ARID1A: variants seen among roughly 807,000 people sequenced by gnomAD.
ARID1A encodes AT-rich interactive domain-containing protein 1A.
Under a neutral mutation model 212.6 loss-of-function variants are expected in ARID1A, and 20 were observed. The ratio of observed to expected loss-of-function variants is 0.09; its 90% CI spans 0.07 to 0.14. ARID1A has a LOEUF of 0.14. ARID1A is among the 10% of genes least tolerant of loss of function. ARID1A has a pLI of 1.00. For missense variants in ARID1A, 2,587 were observed against 3,059.0 expected, an observed-to-expected ratio of 0.85 and a Z score of 3.64; for synonymous variants, 1,376 against 1,222.1, an observed-to-expected ratio of 1.13 and a Z score of -2.63.
In ARID1A at chr1:26,774,554, A is replaced by G. The variant is rs2124118578; in HGVS notation, c.4327A>G (p.Thr1443Ala). 6.2e-7 allele frequency: 1 copy of G among 1,614,152 alleles called. No individual in the cohort carries two copies. Among genetic ancestry groups the G allele is most frequent in the Non-Finnish European group, 8.5e-7 (1 of 1,180,000 alleles). Residue 1443 changes from threonine to alanine, a missense_variant, in exon 18 of 20, where the codon ACT becomes GCT. Coordinates refer to ENST00000324856, the MANE Select transcript of ARID1A (RefSeq NM_006015.6). This position sits in a 1 kb window ranked among gnomAD's most constrained non-coding sequence, Gnocchi z 5.6. ...CTATCCTGCCACTGCCACAGCTGCT[A>G]CTGAGCGCCGACCAGCAGGCGGCCC... The part of the protein sequence containing the change: ...NAYPATATAA[T>A]ERRPAGGPQN...
chr1:26,750,441 G>T (rs1046242766), intron 4 of ARID1A, among the ~76,000 whole-genome samples: 2 of 152,188 alleles, frequency 1.3e-5, no homozygotes, highest in Non-Finnish European at 1.5e-5. Flanking sequence ...CACCTCTGTG[G>T]CCAGAGGGTT....
chr1:26,761,877 G>C (rs1277334532), intron 6 of ARID1A, among the ~76,000 whole-genome samples: 1 of 152,012 alleles, frequency 6.6e-6, no homozygotes, highest in East Asian at 1.9e-4. Context: ...TCAATGTTCG[G>C]TCTTCACTCA....
intron 4 of ARID1A, among the ~76,000 whole-genome samples, chr1:26,744,905 G>C (rs2080822714): frequency 6.6e-6 from 1 of 152,008 alleles, no homozygotes; most frequent in African/African-American, 2.4e-5. Context: ...AGAAGTGAAG[G>C]AGGTTGTCCT....
chr1:26,755,296 A>G (rs957273706), intron 4 of ARID1A, among the ~76,000 whole-genome samples: 11 of 152,196 alleles, frequency 7.2e-5, no homozygotes, highest in African/African-American at 1.7e-4. Flanking sequence ...GAAACCAACT[A>G]TCTGATGCTG....
chr1:26,755,274 T>C (rs1448578659), intron 4 of ARID1A, among the ~76,000 whole-genome samples: 3 of 152,248 alleles, frequency 2.0e-5, no homozygotes, highest in Non-Finnish European at 4.4e-5. Context: ...ATTTTGGCTC[T>C]TAAAATTATT....
intron 1 of ARID1A, among the ~76,000 whole-genome samples, chr1:26,701,442 A>G (rs1410423710): frequency 6.6e-6 from 1 of 152,180 alleles, no homozygotes; most frequent in African/African-American, 2.4e-5. Context: ...TTACTGATGC[A>G]TACTTGAGTT....
At position 26,762,362 on chromosome 1, in the gene ARID1A, G is replaced by A; in HGVS notation, c.2419+43G>A. 3.8e-6 allele frequency: 6 copies of A among 1,582,876 alleles called. No homozygotes were observed. The South Asian group carries it at 5.7e-5, about 15-fold the overall frequency. ...TTAGGAGTAGATACGGGTGAGAGGA[G>A]AAAACAGTTCCTTGTCTGATATGTT... On this transcript the variant is annotated intron_variant, in intron 7 of 19. Coordinates refer to ENST00000324856, the MANE Select transcript of ARID1A (RefSeq NM_006015.6).
At chr1:26,732,107 T>G (rs2080684375) in intron 3 of ARID1A, among the ~76,000 whole-genome samples, 1 of 152,200 alleles carries the variant, frequency 6.6e-6, no homozygotes, top group African/African-American at 2.4e-5. Context: ...CAAATCTTAT[T>G]TTTTGTGGGT....
At position 26,774,526 on chromosome 1, in the gene ARID1A, T is replaced by G; in HGVS notation, c.4299T>G (p.Asn1433Lys). The G allele has an allele frequency of 1.2e-6, 2 of 1,614,046 alleles. No individual in the cohort carries two copies. Among genetic ancestry groups the G allele is most frequent in the South Asian group, 2.2e-5 (2 of 91,060 alleles). Residue 1433 changes from asparagine (N) to lysine (K), a missense_variant, in exon 18 of 20, where the codon AAT (asparagine) becomes AAG (lysine). Asn to Lys is a moderately conservative substitution (Grantham distance 94). This residue lies in a region of ARID1A where 890 missense variants were observed against 1,098.2 expected (regional missense o/e 0.81). Coordinates refer to ENST00000324856, the MANE Select transcript of ARID1A (RefSeq NM_006015.6). This position sits in a 1 kb window ranked among gnomAD's most constrained non-coding sequence, Gnocchi z 5.6. ...PQQDVYNQYGNAYPATATAAT... is the reference protein window; with the variant it reads ...PQQDVYNQYGKAYPATATAAT... ...AAGATGTATACAACCAGTATGGCAATGCCTATCCTGCCACTGCCACAGCTG... is the reference window on the plus strand; with the variant it reads ...AAGATGTATACAACCAGTATGGCAAGGCCTATCCTGCCACTGCCACAGCTG...
At chr1:26,725,010 T>A (rs1352136514) in intron 1 of ARID1A, among the ~76,000 whole-genome samples, 1 of 152,122 alleles carries the variant, frequency 6.6e-6, no homozygotes, top group Non-Finnish European at 1.5e-5. Context: ...TTTTTATGAA[T>A]GCAGGAGAGT....
At chr1:26,728,299 T>C (rs1232239069) in intron 1 of ARID1A, among the ~76,000 whole-genome samples, 1 of 152,196 alleles carries the variant, frequency 6.6e-6, no homozygotes, top group Non-Finnish European at 1.5e-5. Flanking sequence ...GCTTATTGTC[T>C]TACCTGTTTT....
chr1:26,711,542 G>A (rs768250803), intron 1 of ARID1A, among the ~76,000 whole-genome samples: 6 of 152,192 alleles, frequency 3.9e-5, no homozygotes, highest in African/African-American at 4.8e-5. Context: ...TGGAGGTTAG[G>A]GCTTCAACAT....
At chr1:26,762,046 G>C in intron 6 of ARID1A, 106 bp from the exon 7 acceptor site, 1 of 1,287,776 alleles carries the variant, frequency 7.8e-7, no homozygotes, top group Non-Finnish European at 1.1e-6. Flanking sequence ...CTCCATGCAA[G>C]TGGCTGCTAA....
chr1:26,696,118 A>G lies in ARID1A; in HGVS notation c.-286A>G. ...ATTCCCAGGCAAGGGCTTGGGGGGA[A>G]TGAGCCGGGAGAGCCGGGTCCCGAG... On this transcript the variant is annotated 5_prime_UTR_variant, in exon 1 of 20. An upstream start codon of the reference 5' UTR is lost. Coordinates refer to ENST00000324856, the MANE Select transcript of ARID1A (RefSeq NM_006015.6). 2.2e-6 allele frequency: 1 copy of G among 445,176 alleles called. No individual in the cohort carries two copies. Among genetic ancestry groups the G allele is most frequent in the Non-Finnish European group, 3.2e-6 (1 of 313,658 alleles). The allele number at this position is 445,176 out of a possible 1,614,324, so 27.6% of individuals were successfully genotyped here. A position where few individuals can be genotyped will look rare whatever the true frequency, so the allele number is the denominator to read the frequency against.
At chr1:26,731,744 C>A in intron 3 of ARID1A, 140 bp downstream of exon 3, 1 of 918,692 alleles carries the variant, frequency 1.1e-6, no homozygotes, top group South Asian at 1.7e-5. Context: ...AACATGATAA[C>A]TGGATTGATT....
At chr1:26,739,136 C>G (rs1368038742) in intron 4 of ARID1A, among the ~76,000 whole-genome samples, 1 of 152,114 alleles carries the variant, frequency 6.6e-6, no homozygotes, top group Non-Finnish European at 1.5e-5. Flanking sequence ...ATCCACCCAC[C>G]TTGGCCTCCC....
In ARID1A at chr1:26,731,246, A is replaced by G; in HGVS notation, c.1445A>G (p.Gln482Arg). The change falls in exon 3 of 20, where the codon CAG becomes CGG. Residue 482 changes from glutamine (Q) to arginine (R), a missense_variant. Coordinates refer to ENST00000324856, the MANE Select transcript of ARID1A (RefSeq NM_006015.6). ...NQQSPHPQQQ[Q>R]PPYSQQPPSQ... ...CAAAGTCCTCACCCTCAGCAGCAGC[A>G]GCCACCCTACTCCCAGCAACCACCG... The G allele has an allele frequency of 6.2e-7, 1 of 1,613,972 alleles. No homozygotes were observed. The highest frequency in any genetic ancestry group is 1.1e-5 in the South Asian group (1 of 91,056).
chr1:26,757,170 A>G (rs1027088639), intron 4 of ARID1A, among the ~76,000 whole-genome samples: 1 of 149,534 alleles, frequency 6.7e-6, no homozygotes, highest in African/African-American at 2.5e-5. Context: ...AGCTGAGATC[A>G]TGCCACTGCA....
chr1:26,767,363 A>G (rs1366210884), intron 10 of ARID1A, among the ~76,000 whole-genome samples: 1 of 152,206 alleles, frequency 6.6e-6, no homozygotes, highest in Non-Finnish European at 1.5e-5. Context: ...CGATTTCTCT[A>G]AAACATAGTA....
Sources: allele counts gnomAD v4.1 joint callset (sites outside exome capture counted in the v4.1 genomes callset), GRCh38; gene constraint gnomAD v4.1.1; regional missense constraint gnomAD v4.1.1; non-coding constraint Gnocchi (gnomAD v3.1); transcripts MANE v1.5; gene names NCBI Gene and HGNC (gene_info 2026-07-23, HGNC 2026-07-21).